Variants in ARL14EPL observed in about 807,000 individuals in gnomAD.
ARL14EPL encodes ARL14 effector protein-like.
ARL14EPL carries 17 observed loss-of-function variants against 15.9 expected under a neutral mutation model. The ratio of observed to expected loss-of-function variants is 1.07; its 90% CI spans 0.73 to 1.60. The LOEUF (loss-of-function observed/expected upper bound fraction) is 1.60, where lower values mean the gene tolerates loss of function less well. Ranked by LOEUF, ARL14EPL falls within the 40% of genes most tolerant of loss-of-function variation. The pLI, the probability that ARL14EPL is intolerant of heterozygous loss-of-function variation, is 0.00. For synonymous variants in ARL14EPL, 78 were observed against 63.8 expected, an observed-to-expected ratio of 1.22 and a Z score of -1.06; for missense variants, 214 against 185.9, an observed-to-expected ratio of 1.15 and a Z score of -0.88.
chr5:116,049,106 T>C (rs2112675549), intron 1 of ARL14EPL, among the ~76,000 whole-genome samples: 1 of 152,278 alleles, frequency 6.6e-6, no homozygotes, highest in South Asian at 2.1e-4. Context: ...GTCAAAAAGT[T>C]CTAAGTCAAA....
At chr5:116,053,457 T>C (rs1450200949) in intron 2 of ARL14EPL, among the ~76,000 whole-genome samples, 1 of 151,968 alleles carries the variant, frequency 6.6e-6, no homozygotes, top group Non-Finnish European at 1.5e-5. Flanking sequence ...CTTGTTCCAA[T>C]CTGGCTTTGA....
At position 116,049,147 on chromosome 5, in the gene ARL14EPL, C is replaced by T. The variant is rs374987328; in HGVS notation, c.-9-2310C>T. ...TTCAGTCAGGGACCATCTATATGGG[C>T]AATAGTTTTACCATCAGATGGAAAG... On this transcript the variant is annotated intron_variant, in intron 1 of 3. Transcript: ENST00000686077. Among the ~76,000 whole-genome samples, 41 of 152,232 alleles carry T rather than the reference C, an allele frequency of 2.7e-4. 1 individual carries two copies. In the East Asian group the frequency reaches 3.5e-3, roughly 13 times the overall value.
At position 116,059,068 on chromosome 5, in the gene ARL14EPL, C is replaced by A; in HGVS notation, c.*121C>A. On this transcript the variant is annotated 3_prime_UTR_variant, in exon 4 of 4. Transcript: ENST00000686077. ...AAAAAACATACTGAAGACTCATGTT[C>A]TGTCAAGCCCCAGAACAATGTAGAA... The A allele has an allele frequency of 1.1e-6, 1 of 893,642 alleles. No individual in the cohort carries two copies. Among genetic ancestry groups the A allele is most frequent in the Non-Finnish European group, 1.7e-6 (1 of 583,932 alleles). The allele number at this position is 893,642 out of a possible 1,614,324, so 55.4% of individuals were successfully genotyped here. A position where few individuals can be genotyped will look rare whatever the true frequency, so the allele number is the denominator to read the frequency against.
intron 2 of ARL14EPL, among the ~76,000 whole-genome samples, chr5:116,053,222 C>T (rs1561580507): frequency 6.6e-6 from 1 of 151,928 alleles, no homozygotes; most frequent in African/African-American, 2.4e-5. Flanking sequence ...CATGGTGGTG[C>T]GTGCCTGCAG....
intron 1 of ARL14EPL, among the ~76,000 whole-genome samples, chr5:116,037,818 C>G (rs1386517929): frequency 6.6e-6 from 1 of 152,070 alleles, no homozygotes; most frequent in Non-Finnish European, 1.5e-5. Flanking sequence ...GTTTTCTTAC[C>G]TGCACACAAG....
At chr5:116,055,977 T>G (rs1317916916) in intron 3 of ARL14EPL, among the ~76,000 whole-genome samples, 2 of 152,220 alleles carry the variant, frequency 1.3e-5, no homozygotes, top group African/African-American at 2.4e-5. Context: ...GGACATGAAC[T>G]CATCCTTTTT....
At chr5:116,045,049 C>T (rs2560676) in intron 1 of ARL14EPL, among the ~76,000 whole-genome samples, 94,473 of 151,954 alleles carry the variant, frequency 0.62, 31,685 homozygotes, top group Non-Finnish European at 0.77. Context: ...ATTTGAAAGG[C>T]GCACCTTTAC....
At chr5:116,053,418 C>A (rs894542353) in intron 2 of ARL14EPL, among the ~76,000 whole-genome samples, 6 of 151,424 alleles carry the variant, frequency 4.0e-5, no homozygotes, top group Non-Finnish European at 8.8e-5. Flanking sequence ...TCCCCGTATG[C>A]CCTAGAAAGT....
intron 1 of ARL14EPL, among the ~76,000 whole-genome samples, chr5:116,044,945 G>T (rs1051960906): frequency 6.6e-6 from 1 of 151,964 alleles, no homozygotes; most frequent in Non-Finnish European, 1.5e-5. Flanking sequence ...CAACTTAAAG[G>T]TATGTGTTCT....
chr5:116,054,943 A>T (rs1749480312), intron 3 of ARL14EPL, among the ~76,000 whole-genome samples: 1 of 152,054 alleles, frequency 6.6e-6, no homozygotes, highest in Non-Finnish European at 1.5e-5. Context: ...AAACTCCATA[A>T]AAACAGTGAA....
chr5:116,058,839 C>A lies in ARL14EPL; in HGVS notation c.351C>A (p.Ser117=), dbSNP rs1390182322. 9.8e-6 allele frequency: 15 copies of A among 1,536,016 alleles called. No homozygotes were observed. Among genetic ancestry groups the A allele is most frequent in the Non-Finnish European group, 1.3e-5 (15 of 1,146,868 alleles). ...TCTACCCATGCCCGAAGTGTAACTC[C>A]AACAAGTGTGGGCCCGAGTGCCGCT... The part of the protein sequence containing the change: ...GCFYPCPKCN[S]NKCGPECRCN... Residue 117 remains serine, a synonymous_variant, in exon 4 of 4, where the codon TCC becomes TCA. Transcript: ENST00000686077.
At chr5:116,047,923 G>C (rs149884925) in intron 1 of ARL14EPL, among the ~76,000 whole-genome samples, 2 of 152,292 alleles carry the variant, frequency 1.3e-5, no homozygotes, top group African/African-American at 4.8e-5. Flanking sequence ...AGAGATAAGA[G>C]GGCAGAAGAC....
intron 1 of ARL14EPL, among the ~76,000 whole-genome samples, chr5:116,036,055 C>T (rs1749044796): frequency 6.6e-6 from 1 of 152,208 alleles, no homozygotes; most frequent in African/African-American, 2.4e-5. Context: ...CGAGTCCTAA[C>T]ATCACAAAGC....
chr5:116,058,647 T>C, intron 3 of ARL14EPL, 78 bp from the exon 4 acceptor site: 4 of 1,344,584 alleles, frequency 3.0e-6, no homozygotes, highest in Non-Finnish European at 2.0e-6. Flanking sequence ...ATGTGTATGA[T>C]GTTGATTGTA....
Position 116,058,769 on chromosome 5 carries a change from A to T in ARL14EPL, c.281A>T (p.Asp94Val). 6.5e-7 allele frequency: 1 copy of T among 1,535,700 alleles called. No individual in the cohort carries two copies. Among genetic ancestry groups the T allele is most frequent in the Non-Finnish European group, 8.7e-7 (1 of 1,146,908 alleles). The change falls in exon 4 of 4, where the codon GAC becomes GTC. Residue 94 changes from aspartate (D) to valine (V), a missense_variant. Transcript: ENST00000686077. Reference sequence around the variant, plus strand: ...AAAAGTGGCAGGCTCATCTGTAATGACGCTGATCTGTGTGATTGTCTAGAG... The same window carrying T: ...AAAAGTGGCAGGCTCATCTGTAATGTCGCTGATCTGTGTGATTGTCTAGAG... ...YDKSGRLICN[D>V]ADLCDCLEKN... is the part of the protein sequence containing the mutation.
rs183912759 is a variant in ARL14EPL, at chr5:116,058,855, G to T, written c.367G>T (p.Glu123Ter). 3.2e-5 allele frequency: 49 copies of T among 1,536,118 alleles called. No homozygotes were observed. The Middle Eastern group carries it at 8.4e-4, about 26-fold the overall frequency. ...GTGTAACTCCAACAAGTGTGGGCCC[G>T]AGTGCCGCTGCAACCGACGGTGGGT... Reference protein sequence around the residue: ...PKCNSNKCGPECRCNRRWVYD... With the variant: ...PKCNSNKCGP The change falls in exon 4 of 4, where the codon GAG (glutamate) becomes TAG (stop). Residue 123 changes from glutamate to a stop codon, truncating the protein, a stop_gained. Coordinates refer to ENST00000686077, the MANE Select transcript of ARL14EPL (RefSeq NM_001195581.2). LOFTEE classifies it high-confidence loss of function.
chr5:116,043,953 G>A (rs989246345), intron 1 of ARL14EPL, among the ~76,000 whole-genome samples: 3 of 152,164 alleles, frequency 2.0e-5, no homozygotes, highest in Non-Finnish European at 2.9e-5. Flanking sequence ...TACTGTGTAG[G>A]AAGTGATTGA....
intron 1 of ARL14EPL, among the ~76,000 whole-genome samples, chr5:116,044,855 C>A (rs1749234626): frequency 6.6e-6 from 1 of 152,120 alleles, no homozygotes; most frequent in Non-Finnish European, 1.5e-5. Context: ...CTTGAGGGTT[C>A]TATGGTTTCT....
At chr5:116,035,854 A>C (rs904831990) in intron 1 of ARL14EPL, among the ~76,000 whole-genome samples, 1 of 152,230 alleles carries the variant, frequency 6.6e-6, no homozygotes, top group African/African-American at 2.4e-5. Context: ...TGGGAGACTG[A>C]GGGAAGAATC....
Sources: allele counts gnomAD v4.1 joint callset (sites outside exome capture counted in the v4.1 genomes callset), GRCh38; gene constraint gnomAD v4.1.1; transcripts MANE v1.5; gene names NCBI Gene and HGNC (gene_info 2026-07-23, HGNC 2026-07-21).